The following TAPT1 variants were observed in gnomAD, a reference collection of about 807,000 sequenced individuals.
TAPT1 encodes transmembrane anterior posterior transformation protein 1 homolog.
In TAPT1, 28 loss-of-function variants were observed where a neutral mutation model predicts 65.6. That is an observed-to-expected ratio of 0.43 (90% CI 0.32 to 0.59). TAPT1 has a LOEUF of 0.59. Among genes scored for constraint, TAPT1 ranks in the 20% least tolerant of loss-of-function variants. The pLI, the probability that TAPT1 is intolerant of heterozygous loss-of-function variation, is 0.09. For missense variants in TAPT1, 563 were observed against 679.9 expected, an observed-to-expected ratio of 0.83 and a Z score of 1.91; for synonymous variants, 278 against 245.2, an observed-to-expected ratio of 1.13 and a Z score of -1.25.
intron 13 of TAPT1, among the ~76,000 whole-genome samples, chr4:16,165,664 T>G (rs1747560142): frequency 6.6e-6 from 1 of 151,774 alleles, no homozygotes; most frequent in Non-Finnish European, 1.5e-5. Context: ...AAAAATTAAG[T>G]CAACGTCCCA....
chr4:16,209,833 T>C (rs1295590983), intron 2 of TAPT1, among the ~76,000 whole-genome samples: 2 of 152,172 alleles, frequency 1.3e-5, no homozygotes, highest in Admixed American at 1.3e-4. Context: ...TGACACCTAA[T>C]CCTTACATAA....
At chr4:16,175,526 T>G (rs1748265740) in intron 9 of TAPT1, among the ~76,000 whole-genome samples, 1 of 152,170 alleles carries the variant, frequency 6.6e-6, no homozygotes, top group African/African-American at 2.4e-5. Context: ...GAACTATTAT[T>G]TATTTTGGGA....
chr4:16,204,959 T>G (rs923619405), intron 2 of TAPT1, among the ~76,000 whole-genome samples: 1 of 152,240 alleles, frequency 6.6e-6, no homozygotes, highest in African/African-American at 2.4e-5. Context: ...TCCTGTGACA[T>G]TGTAAGTAAA....
At chr4:16,192,555 A>C (rs1749436900) in intron 3 of TAPT1, among the ~76,000 whole-genome samples, 1 of 152,214 alleles carries the variant, frequency 6.6e-6, no homozygotes, top group Non-Finnish European at 1.5e-5. Context: ...AGCTAAACCT[A>C]AATTGTGAAA....
At chr4:16,223,771 G>A (rs1025614191) in intron 1 of TAPT1, among the ~76,000 whole-genome samples, 1 of 152,078 alleles carries the variant, frequency 6.6e-6, no homozygotes, top group Non-Finnish European at 1.5e-5. Context: ...AACAAGGAGA[G>A]ATATAAAACA....
At position 16,162,384 on chromosome 4, in the gene TAPT1, TTTACAG is replaced by T. The variant is rs1346595197; in HGVS notation, c.*918_*923del. The stretch of plus-strand genomic sequence containing the variant: ...TGTCTAACACACTTGGAGCATTTAC[TTTACAG>T]TTAAAGTTGACAGTTTTGAATTTTG... On this transcript the variant is annotated 3_prime_UTR_variant, in exon 14 of 14. Coordinates refer to ENST00000405303, the MANE Select transcript of TAPT1 (RefSeq NM_153365.3). 2 of 153,026 alleles carry T rather than the reference TTTACAG, an allele frequency of 1.3e-5. No homozygotes were observed. Among genetic ancestry groups the T allele is most frequent in the African/African-American group, 2.4e-5 (1 of 41,576 alleles). The allele number at this position is 153,026 out of a possible 1,614,324, so 9.5% of individuals were successfully genotyped here. A position where few individuals can be genotyped will look rare whatever the true frequency, so the allele number is the denominator to read the frequency against.
intron 7 of TAPT1, 38 bp from the exon 8 acceptor site, chr4:16,179,695 T>G: frequency 9.3e-7 from 1 of 1,074,688 alleles, no homozygotes; most frequent in East Asian, 2.7e-5. Flanking sequence ...CTGTAGTGTA[T>G]ATAAACAACA....
chr4:16,226,552 G>T, upstream of TAPT1: 1 of 786,768 alleles, frequency 1.3e-6, no homozygotes, highest in Middle Eastern at 6.6e-4. Flanking sequence ...GCCGGAGCCC[G>T]AGCCGCCGCC....
rs115009010 is a variant in TAPT1, at chr4:16,220,198, G to C, written c.199+6061C>G. On this transcript the variant is annotated intron_variant, in intron 1 of 13. Coordinates refer to ENST00000405303, the MANE Select transcript of TAPT1 (RefSeq NM_153365.3). ...CCTATAATTTTGGCTACAGTTGACTGGTTAATTATTTAGCAAAGCCACTGT... is the reference window on the plus strand; with the variant it reads ...CCTATAATTTTGGCTACAGTTGACTCGTTAATTATTTAGCAAAGCCACTGT... 1.8e-3 allele frequency among the ~76,000 whole-genome samples: 278 copies of C among 152,280 alleles called. 1 individual carries two copies. The highest frequency in any genetic ancestry group is 6.2e-3 in the African/African-American group (258 of 41,550).
intron 2 of TAPT1, 24 bp downstream of exon 2, chr4:16,213,744 C>A: frequency 1.3e-6 from 2 of 1,526,494 alleles, no homozygotes; most frequent in Non-Finnish European, 8.7e-7. Context: ...AAAATGATGT[C>A]TGGTAATGAA....
intron 2 of TAPT1, among the ~76,000 whole-genome samples, chr4:16,207,891 T>C (rs1052544047): frequency 3.9e-5 from 6 of 152,202 alleles, no homozygotes; most frequent in Non-Finnish European, 8.8e-5. Context: ...ATGTATTAAA[T>C]AGCTATAATG....
intron 2 of TAPT1, 118 bp from the exon 3 acceptor site, chr4:16,202,698 C>A: frequency 3.5e-6 from 2 of 565,452 alleles, no homozygotes; most frequent in South Asian, 4.3e-5. Flanking sequence ...TAAAACTTAG[C>A]CCTGGGAATA....
intron 13 of TAPT1, among the ~76,000 whole-genome samples, chr4:16,165,563 C>A (rs1177130547): frequency 1.4e-5 from 2 of 140,286 alleles, no homozygotes; most frequent in Admixed American, 7.0e-5. Context: ...GAGCAAAACT[C>A]CGTCTCAAAA....
chr4:16,161,757 A>C lies in TAPT1; in HGVS notation c.*1551T>G, dbSNP rs1201286779. On this transcript the variant is annotated 3_prime_UTR_variant, in exon 14 of 14. Coordinates refer to ENST00000405303, the MANE Select transcript of TAPT1 (RefSeq NM_153365.3). Reference sequence around the variant, plus strand: ...TAATGCAAAACATTAAAATTCACTTACTTTTTTGTATTTCAAATGAACAAG... The same window carrying C: ...TAATGCAAAACATTAAAATTCACTTCCTTTTTTGTATTTCAAATGAACAAG... The C allele has an allele frequency of 2.6e-5, 4 of 152,174 alleles. No homozygotes were observed. The highest frequency in any genetic ancestry group is 5.9e-5 in the Non-Finnish European group (4 of 68,020). 9.4% of individuals were successfully genotyped at this position (152,174 alleles called of 1,614,324 possible).
intron 2 of TAPT1, among the ~76,000 whole-genome samples, chr4:16,211,836 T>C (rs1321862499): frequency 7.9e-5 from 12 of 152,232 alleles, no homozygotes; most frequent in Admixed American, 3.3e-4. Context: ...AGTGGTTCTA[T>C]AGTGGACCAC....
rs138738834 is a variant in TAPT1 at position 16,206,920 on chromosome 4, CCT to C, written c.331-4342_331-4341del. Among the ~76,000 whole-genome samples the C allele has an allele frequency of 6.5e-3, 990 of 152,240 alleles. 3 individuals are homozygous for C. The highest frequency in any genetic ancestry group is 0.011 in the Non-Finnish European group (741 of 68,022). On this transcript the variant is annotated intron_variant, in intron 2 of 13. Transcript: ENST00000405303. ...GATGAGTCTCATATGCCCAACCTCCCCTGAGAAAATTAAGAATGGTAAGACAG... is the reference window on the plus strand; with the variant it reads ...GATGAGTCTCATATGCCCAACCTCCCGAGAAAATTAAGAATGGTAAGACAG...
chr4:16,179,826 G>GTGTA (rs1491561806), intron 7 of TAPT1, among the ~76,000 whole-genome samples, 169 bp from the exon 8 acceptor site: 15 of 136,138 alleles, frequency 1.1e-4, no homozygotes, highest in African/African-American at 4.3e-4. Flanking sequence ...GTGTGTGTGT[G>GTGTA]TATATATAGG....
chr4:16,217,418 T>A (rs57110573), intron 1 of TAPT1, among the ~76,000 whole-genome samples: 1 of 152,052 alleles, frequency 6.6e-6, no homozygotes, highest in Admixed American at 6.5e-5. Flanking sequence ...AAGAAAGAAT[T>A]AGACATAAAA....
chr4:16,171,867 T>A (rs1748015102), intron 11 of TAPT1, among the ~76,000 whole-genome samples: 1 of 152,234 alleles, frequency 6.6e-6, no homozygotes, highest in South Asian at 2.1e-4. Context: ...CTAATTTCCA[T>A]GAGACTTTAA....
Sources: allele counts gnomAD v4.1 joint callset (sites outside exome capture counted in the v4.1 genomes callset), GRCh38; gene constraint gnomAD v4.1.1; transcripts MANE v1.5; gene names NCBI Gene and HGNC (gene_info 2026-07-23, HGNC 2026-07-21).